ABCA13: variants seen among roughly 807,000 people sequenced by gnomAD.
ABCA13 encodes the protein ATP-binding cassette sub-family A member 13.
In ABCA13, 476 loss-of-function variants were observed where a neutral mutation model predicts 478.7. That is an observed-to-expected ratio of 0.99 (90% CI 0.92 to 1.07). The LOEUF is 1.07. Ranked by LOEUF, ABCA13 falls within the 50% of genes least tolerant of loss-of-function variation. The pLI, the probability that ABCA13 is intolerant of heterozygous loss-of-function variation, is 0.00. For synonymous variants in ABCA13, 2,252 were observed against 2,158.9 expected (o/e 1.04, Z -1.20); for missense variants, 6,060 against 5,910.6 (o/e 1.03, Z -0.83).
rs1795822790 is a variant in ABCA13, at chr7:48,272,982, C to G, written c.3316C>G (p.His1106Asp). The G allele has an allele frequency of 6.2e-7, 1 of 1,613,478 alleles. No homozygotes were observed. Residue 1106 changes from histidine to aspartate, a missense_variant, in exon 17 of 62, where the codon CAC becomes GAC. Physicochemically the swap from His to Asp is moderately conservative, Grantham distance 81. Transcript: ENST00000435803. ...DNKCLISDNK[H>D]ISSVNYSTSE... ...TAAATGCTTGATTTCGGACAATAAA[C>G]ACATTTCTTCCGTAAATTATTCAAC... is the stretch of plus-strand genomic sequence containing the variant.
rs1488147592 is a variant in ABCA13, at chr7:48,372,440, C to T, written c.11076C>T (p.Pro3692=). ...TSLVYMISFL[P]YIVLLVLHNQ... ...TGGTGTACATGATCAGCTTTCTGCC[C>T]TACATAGTTCTATTGGTTCTACATA... Residue 3692 remains proline (P), a synonymous_variant, in exon 33 of 62, where the codon CCC becomes CCT. Coordinates refer to ENST00000435803, the MANE Select transcript of ABCA13 (RefSeq NM_152701.5). 1 of 1,613,122 alleles carries T rather than the reference C, an allele frequency of 6.2e-7. No individual in the cohort carries two copies. Among genetic ancestry groups the T allele is most frequent in the Non-Finnish European group, 8.5e-7 (1 of 1,179,654 alleles).
intron 42 of ABCA13, among the ~76,000 whole-genome samples, chr7:48,433,819 G>A (rs1281871417): frequency 2.0e-5 from 3 of 151,854 alleles, no homozygotes; most frequent in Non-Finnish European, 4.4e-5. Flanking sequence ...AGAGTTTCAG[G>A]GTTTATCCAT....
intron 51 of ABCA13, among the ~76,000 whole-genome samples, chr7:48,512,138 A>AT (rs1032973504): frequency 3.3e-5 from 5 of 151,704 alleles, no homozygotes; most frequent in African/African-American, 1.2e-4. Flanking sequence ...GGAGAGAGAG[A>AT]TTAAGAGAGA....
intron 55 of ABCA13, among the ~76,000 whole-genome samples, chr7:48,536,597 A>G (rs1230612127): frequency 6.6e-6 from 1 of 151,974 alleles, no homozygotes; most frequent in African/African-American, 2.4e-5. Context: ...GCAGTGAGCC[A>G]AGATCACACC....
At chr7:48,524,461 A>C in intron 54 of ABCA13, 21 bp downstream of exon 54, 1 of 1,589,626 alleles carries the variant, frequency 6.3e-7, no homozygotes, top group Non-Finnish European at 8.6e-7. Context: ...TTCTATTTTT[A>C]ATCTTCTTCT....
chr7:48,482,837 C>T (rs1157273510), intron 46 of ABCA13, among the ~76,000 whole-genome samples: 1 of 152,192 alleles, frequency 6.6e-6, no homozygotes, highest in East Asian at 1.9e-4. Flanking sequence ...TCTAATGTGG[C>T]CAGCCTTATC....
intron 29 of ABCA13, among the ~76,000 whole-genome samples, chr7:48,348,321 C>T (rs1468649028): frequency 2.6e-5 from 4 of 152,040 alleles, no homozygotes; most frequent in East Asian, 1.9e-4. Context: ...GAAGACTCGA[C>T]GCTGTGGATC....
At chr7:48,349,708 T>G (rs559429131) in intron 29 of ABCA13, among the ~76,000 whole-genome samples, 2 of 152,284 alleles carry the variant, frequency 1.3e-5, no homozygotes, top group African/African-American at 4.8e-5. Flanking sequence ...TGGGTACTGA[T>G]GCTGCCATGT....
rs752584130 is a variant in ABCA13 at position 48,171,577 on chromosome 7, T to C, written c.69+25T>C. On this transcript the variant is annotated intron_variant, in intron 1 of 61. Coordinates refer to ENST00000435803, the MANE Select transcript of ABCA13 (RefSeq NM_152701.5). The stretch of plus-strand genomic sequence containing the variant: ...GGTGAGTGCTTGCCTTGGTTTTCCA[T>C]AGGGTTCCAGTGAGGTCTGGAGCAA... The C allele has an allele frequency of 7.1e-5, 109 of 1,535,856 alleles. No individual in the cohort carries two copies. The Middle Eastern group carries it at 3.4e-3, about 48-fold the overall frequency.
intron 3 of ABCA13, among the ~76,000 whole-genome samples, chr7:48,208,210 T>G (rs1278215825): frequency 6.6e-6 from 1 of 152,204 alleles, no homozygotes; most frequent in Non-Finnish European, 1.5e-5. Flanking sequence ...TAGTATATTT[T>G]GAAATCAGGT....
At chr7:48,351,272 C>T (rs1345928165) in intron 30 of ABCA13, among the ~76,000 whole-genome samples, 1 of 152,206 alleles carries the variant, frequency 6.6e-6, no homozygotes, top group Non-Finnish European at 1.5e-5. Flanking sequence ...ATTGTTCACC[C>T]ATTCAAGATA....
Position 48,571,059 on chromosome 7 carries a change from C to T in ABCA13, c.14355-9165C>T, listed in dbSNP as rs994013028. On this transcript the variant is annotated intron_variant, in intron 55 of 61. Transcript: ENST00000435803. The stretch of plus-strand genomic sequence containing the variant: ...ATTTAGATTAATACCAACTTAATTT[C>T]AATAGTTTATAAAATTGTGTTTCTA... 4.6e-5 allele frequency among the ~76,000 whole-genome samples: 7 copies of T among 152,170 alleles called. No individual in the cohort carries two copies. The East Asian group carries it at 1.2e-3, about 25-fold the overall frequency.
At chr7:48,599,286 G>T (rs185246821) in intron 58 of ABCA13, among the ~76,000 whole-genome samples, 1 of 150,740 alleles carries the variant, frequency 6.6e-6, no homozygotes, top group Admixed American at 6.6e-5. Flanking sequence ...GATTTAATTT[G>T]GTTGTCATTA....
chr7:48,601,570 G>C (rs558131618), intron 58 of ABCA13, among the ~76,000 whole-genome samples: 2 of 152,250 alleles, frequency 1.3e-5, no homozygotes, highest in South Asian at 4.1e-4. Context: ...TTTTATGGCT[G>C]CATAATATTC....
At chr7:48,259,611 T>C (rs768760580) in intron 15 of ABCA13, among the ~76,000 whole-genome samples, 1 of 152,146 alleles carries the variant, frequency 6.6e-6, no homozygotes, top group African/African-American at 2.4e-5. Flanking sequence ...ACATTCAAGG[T>C]TAATATTAAC....
chr7:48,327,762 T>A (rs1804557042), intron 27 of ABCA13, among the ~76,000 whole-genome samples: 1 of 152,214 alleles, frequency 6.6e-6, no homozygotes, highest in South Asian at 2.1e-4. Context: ...CTATCATCAG[T>A]TTGGGATACT....
At chr7:48,236,586 A>T (rs1323546517) in intron 8 of ABCA13, among the ~76,000 whole-genome samples, 1 of 152,198 alleles carries the variant, frequency 6.6e-6, no homozygotes, top group Non-Finnish European at 1.5e-5. Context: ...AAAGCCAGCA[A>T]TGGCAGGTCT....
At chr7:48,470,790 CT>C (rs1465371826) in intron 44 of ABCA13, among the ~76,000 whole-genome samples, 1 of 152,160 alleles carries the variant, frequency 6.6e-6, no homozygotes, top group African/African-American at 2.4e-5. Flanking sequence ...TGGACCCCAC[CT>C]CTTCTTCTGA....
At chr7:48,593,250 GTGTGTGTGTGTA>G (rs1308045610) in intron 57 of ABCA13, among the ~76,000 whole-genome samples, 2 of 144,720 alleles carry the variant, frequency 1.4e-5, no homozygotes, top group African/African-American at 2.6e-5. Flanking sequence ...TTTTGTGTGT[GTGTGTGTGTGTA>G]TGTGTGTGTG....
Sources: allele counts gnomAD v4.1 joint callset (sites outside exome capture counted in the v4.1 genomes callset), GRCh38; gene constraint gnomAD v4.1.1; transcripts MANE v1.5; gene names NCBI Gene and HGNC (gene_info 2026-07-23, HGNC 2026-07-21).